Variants in C8orf34 observed in about 807,000 individuals in gnomAD.
C8orf34 encodes the protein chromosome 8 open reading frame 34.
Under a neutral mutation model 68.3 loss-of-function variants are expected in C8orf34, and 65 were observed. The observed-to-expected ratio is 0.95, with a 90% confidence interval of 0.78 to 1.17. C8orf34 has a LOEUF of 1.17. Ranked by LOEUF, C8orf34 falls within the 50% of genes most tolerant of loss-of-function variation. The pLI, the probability that C8orf34 is intolerant of heterozygous loss-of-function variation, is 0.00. For synonymous variants in C8orf34, 244 were observed against 241.2 expected (o/e 1.01, Z -0.11); for missense variants, 664 against 655.4 (o/e 1.01, Z -0.14).
intron 12 of C8orf34, chr8:68,791,641 A>G (rs1823997022): frequency 6.6e-6 from 1 of 152,242 alleles, no homozygotes; most frequent in African/African-American, 2.4e-5. Flanking sequence ...CAAATAAAGA[A>G]ATAATAGCCA....
At chr8:68,658,919 A>G (rs757832785) in intron 8 of C8orf34, among the ~76,000 whole-genome samples, 1 of 152,152 alleles carries the variant, frequency 6.6e-6, no homozygotes, top group Non-Finnish European at 1.5e-5. Flanking sequence ...CTCACCTATC[A>G]TAACCTCCTT....
At chr8:68,672,989 C>T (rs1279951229) in intron 8 of C8orf34, among the ~76,000 whole-genome samples, 1 of 152,118 alleles carries the variant, frequency 6.6e-6, no homozygotes, top group African/African-American at 2.4e-5. Flanking sequence ...CAGGCCCTAG[C>T]TCTCAGATGA....
chr8:68,628,740 C>T (rs1040641119), intron 7 of C8orf34, among the ~76,000 whole-genome samples: 1 of 152,138 alleles, frequency 6.6e-6, no homozygotes, highest in East Asian at 1.9e-4. Flanking sequence ...TTCCTTGAAA[C>T]AGATGTGAAA....
chr8:68,811,996 C>A (rs893804461), intron 12 of C8orf34, among the ~76,000 whole-genome samples: 3 of 152,044 alleles, frequency 2.0e-5, no homozygotes, highest in African/African-American at 7.2e-5. Flanking sequence ...GTAAAGATAA[C>A]ATCAAGAGAG....
chr8:68,750,008 A>G lies in C8orf34; in HGVS notation c.1405-26391A>G, dbSNP rs948341280. On this transcript the variant is annotated intron_variant, in intron 10 of 13. Transcript: ENST00000518698. ...TTCCTAGGAGTGGAATTGCTGGGTC[A>G]TATGACAGATTTATATTTAACTTAA... Among the ~76,000 whole-genome samples, 6 of 152,316 alleles carry G rather than the reference A, an allele frequency of 3.9e-5. No individual in the cohort carries two copies. In the South Asian group the frequency reaches 8.3e-4, roughly 21 times the overall value.
intron 10 of C8orf34, among the ~76,000 whole-genome samples, chr8:68,749,238 G>T (rs891307324): frequency 6.6e-6 from 1 of 151,850 alleles, no homozygotes; most frequent in Middle Eastern, 3.2e-3. Context: ...GGACTGTTGT[G>T]GGGTGGGGGG....
At chr8:68,445,528 G>A (rs922361232) in intron 2 of C8orf34, among the ~76,000 whole-genome samples, 1 of 152,028 alleles carries the variant, frequency 6.6e-6, no homozygotes, top group Non-Finnish European at 1.5e-5. Context: ...TTGTGGAATG[G>A]GCAAGACAGT....
At chr8:68,695,294 C>T (rs1820798217) in intron 8 of C8orf34, among the ~76,000 whole-genome samples, 1 of 151,976 alleles carries the variant, frequency 6.6e-6, no homozygotes, top group South Asian at 2.1e-4. Flanking sequence ...ATTACAGGAA[C>T]CCGCCACCAC....
At chr8:68,373,089 GC>G (rs1383220089) in intron 1 of C8orf34, among the ~76,000 whole-genome samples, 6 of 152,120 alleles carry the variant, frequency 3.9e-5, no homozygotes, top group Non-Finnish European at 8.8e-5. Context: ...TCCACCTCCT[GC>G]ATTCAATCAA....
intron 12 of C8orf34, among the ~76,000 whole-genome samples, chr8:68,800,105 A>C (rs1824287950): frequency 1.3e-5 from 2 of 152,190 alleles, no homozygotes; most frequent in Non-Finnish European, 2.9e-5. Context: ...CCAGGTTGTA[A>C]AGATAAGAAG....
chr8:68,580,559 T>C (rs913662633), intron 7 of C8orf34, among the ~76,000 whole-genome samples: 2 of 152,134 alleles, frequency 1.3e-5, no homozygotes, highest in African/African-American at 2.4e-5. Context: ...GTGTTCTAGC[T>C]GTAACAAGTA....
chr8:68,647,301 C>T (rs1819205575), intron 8 of C8orf34, among the ~76,000 whole-genome samples: 1 of 152,066 alleles, frequency 6.6e-6, no homozygotes, highest in Non-Finnish European at 1.5e-5. Flanking sequence ...GGAAAGATAA[C>T]AAGTACCCGT....
At chr8:68,641,245 T>C (rs781627563) in intron 8 of C8orf34, among the ~76,000 whole-genome samples, 2 of 152,166 alleles carry the variant, frequency 1.3e-5, no homozygotes, top group Non-Finnish European at 2.9e-5. Flanking sequence ...TGCTCTATTG[T>C]AGTGTTTGAG....
At chr8:68,433,921 AG>A (rs1325359961) in intron 1 of C8orf34, among the ~76,000 whole-genome samples, 1 of 152,140 alleles carries the variant, frequency 6.6e-6, no homozygotes, top group African/African-American at 2.4e-5. Flanking sequence ...CATTGTTACT[AG>A]TTAGTATTCA....
intron 5 of C8orf34, among the ~76,000 whole-genome samples, chr8:68,506,748 C>T (rs1814040663): frequency 6.6e-6 from 1 of 152,154 alleles, no homozygotes; most frequent in Non-Finnish European, 1.5e-5. Context: ...GAAATCCTTT[C>T]CTACTTGGAG....
chr8:68,369,145 A>G (rs577136913), intron 1 of C8orf34, among the ~76,000 whole-genome samples: 9 of 152,366 alleles, frequency 5.9e-5, no homozygotes, highest in African/African-American at 2.2e-4. Context: ...TCCTTTATGC[A>G]CATTTTAAAC....
chr8:68,613,224 T>C (rs1818075578), intron 7 of C8orf34, among the ~76,000 whole-genome samples: 1 of 152,182 alleles, frequency 6.6e-6, no homozygotes, highest in African/African-American at 2.4e-5. Flanking sequence ...TGGGAATTCT[T>C]GCCCTGTGGT....
intron 8 of C8orf34, among the ~76,000 whole-genome samples, chr8:68,667,828 T>C (rs1343255414): frequency 6.6e-6 from 1 of 152,178 alleles, no homozygotes; most frequent in Non-Finnish European, 1.5e-5. Context: ...TCAGGGTAAA[T>C]GTTTCTGCTT....
intron 7 of C8orf34, among the ~76,000 whole-genome samples, chr8:68,610,579 C>T (rs1586446249): frequency 2.6e-5 from 4 of 152,162 alleles, no homozygotes; most frequent in East Asian, 3.9e-4. Flanking sequence ...CATTTGCATA[C>T]TCAGCAACAA....
Sources: allele counts gnomAD v4.1 joint callset (sites outside exome capture counted in the v4.1 genomes callset), GRCh38; gene constraint gnomAD v4.1.1; transcripts MANE v1.5; gene names NCBI Gene and HGNC (gene_info 2026-07-23, HGNC 2026-07-21).